The following RBMS1 variants were observed in gnomAD, a reference collection of about 807,000 sequenced individuals.
RBMS1 encodes RNA-binding motif, single-stranded-interacting protein 1.
RBMS1 carries 17 observed loss-of-function variants against 62.3 expected under a neutral mutation model. The observed-to-expected ratio is 0.27, with a 90% CI of 0.19 to 0.41. RBMS1 has a LOEUF of 0.41. Ranked by LOEUF, RBMS1 falls within the 10% of genes least tolerant of loss-of-function variation. RBMS1 has a pLI of 1.00. For missense variants in RBMS1, 334 were observed against 504.5 expected (o/e 0.66, Z 3.24); for synonymous variants, 172 against 170.0 (o/e 1.01, Z -0.09).
chr2:160,274,519 G>GTTTT lies in RBMS1; in HGVS notation c.*249_*252dup, dbSNP rs1559299128. On this transcript the variant is annotated 3_prime_UTR_variant, in exon 14 of 14. Transcript: ENST00000348849. The stretch of plus-strand genomic sequence containing the variant: ...CATTTGATAAAAATCTTTTGTTTTT[G>GTTTT]TTTTTTGTTTTTTTTTTTTTACTAA... 1 of 96,382 alleles carries GTTTT rather than the reference G, an allele frequency of 1.0e-5. No homozygotes were observed. The highest frequency in any genetic ancestry group is 4.0e-5 in the African/African-American group (1 of 25,266). The allele number at this position is 96,382 out of a possible 1,614,324, so 6.0% of individuals were successfully genotyped here.
chr2:160,448,972 T>C (rs1395815380), intron 1 of RBMS1, among the ~76,000 whole-genome samples: 1 of 151,052 alleles, frequency 6.6e-6, no homozygotes, highest in South Asian at 2.1e-4. Context: ...GAGGAGTGTC[T>C]CTGCCCGACC....
At chr2:160,460,676 G>A (rs1684422982) in intron 1 of RBMS1, among the ~76,000 whole-genome samples, 1 of 152,154 alleles carries the variant, frequency 6.6e-6, no homozygotes, top group Non-Finnish European at 1.5e-5. Context: ...TCTTTTTAAT[G>A]ATGCCCTTGA....
chr2:160,491,356 T>C (rs1685820469), intron 1 of RBMS1, among the ~76,000 whole-genome samples: 1 of 152,222 alleles, frequency 6.6e-6, no homozygotes, highest in African/African-American at 2.4e-5. Flanking sequence ...GCAAAATGTT[T>C]TGAGAATGTC....
intron 1 of RBMS1, among the ~76,000 whole-genome samples, chr2:160,433,397 G>A (rs1682981200): frequency 6.6e-6 from 1 of 152,200 alleles, no homozygotes; most frequent in Non-Finnish European, 1.5e-5. Context: ...CTGGCCCACA[G>A]TGTGAGACCT....
chr2:160,347,352 A>G (rs1353327476), intron 2 of RBMS1, among the ~76,000 whole-genome samples: 3 of 152,160 alleles, frequency 2.0e-5, no homozygotes, highest in Non-Finnish European at 4.4e-5. Context: ...AAAACACAAG[A>G]TTCTCAAACA....
At chr2:160,393,542 G>A (rs1043441802) in intron 1 of RBMS1, among the ~76,000 whole-genome samples, 18 of 152,128 alleles carry the variant, frequency 1.2e-4, no homozygotes, top group Non-Finnish European at 2.5e-4. Context: ...ACTTTGGGAG[G>A]CCGAGGCGGG....
chr2:160,367,431 A>G (rs1693468259), intron 1 of RBMS1, 40 bp from the exon 2 acceptor site: 1 of 1,608,630 alleles, frequency 6.2e-7, no homozygotes, highest in African/African-American at 1.3e-5. Context: ...TGCTAGCATT[A>G]GGAGGCTGAC....
At chr2:160,465,844 C>CCACA (rs34253924) in intron 1 of RBMS1, among the ~76,000 whole-genome samples, 196 of 109,980 alleles carry the variant, frequency 1.8e-3, no homozygotes, top group African/African-American at 5.3e-3. Flanking sequence ...CCTCCCCACA[C>CCACA]CACACACACA....
chr2:160,476,991 T>G (rs757817468), intron 1 of RBMS1, among the ~76,000 whole-genome samples: 1 of 152,260 alleles, frequency 6.6e-6, no homozygotes, highest in Non-Finnish European at 1.5e-5. Context: ...TTTTCTTTCC[T>G]GATATTTTGT....
chr2:160,332,644 T>C (rs147054186), intron 2 of RBMS1, among the ~76,000 whole-genome samples: 2 of 152,216 alleles, frequency 1.3e-5, no homozygotes, highest in Non-Finnish European at 2.9e-5. Flanking sequence ...CTTTGTATGC[T>C]TAAATGGTCA....
In RBMS1 at chr2:160,392,872, G is replaced by A. The variant is rs528850950; in HGVS notation, c.76-25481C>T. Among the ~76,000 whole-genome samples, 13 of 152,062 alleles carry A rather than the reference G, an allele frequency of 8.5e-5. No homozygotes were observed. In the East Asian group the frequency reaches 1.5e-3, roughly 18 times the overall value. On this transcript the variant is annotated intron_variant, in intron 1 of 13. Coordinates refer to ENST00000348849, the MANE Select transcript of RBMS1 (RefSeq NM_016836.4). ...GCACCACTGCACCACACTCCAGCCC[G>A]GGCAACAGAGCAAGACCCTGTCTCA... is the stretch of plus-strand genomic sequence containing the variant.
At chr2:160,410,249 TAAAAG>T (rs1026572733) in intron 1 of RBMS1, among the ~76,000 whole-genome samples, 1 of 118,638 alleles carries the variant, frequency 8.4e-6, no homozygotes, top group African/African-American at 3.0e-5. Context: ...AAAAAAAAAT[TAAAAG>T]ACTCTAAGAC....
At chr2:160,292,739 A>G (rs1688746067) in intron 6 of RBMS1, among the ~76,000 whole-genome samples, 1 of 152,174 alleles carries the variant, frequency 6.6e-6, no homozygotes. Flanking sequence ...TTGATTTGTG[A>G]GGCTGGCTGT....
At chr2:160,311,794 C>T (rs1339157909) in intron 4 of RBMS1, among the ~76,000 whole-genome samples, 3 of 152,104 alleles carry the variant, frequency 2.0e-5, no homozygotes, top group Non-Finnish European at 2.9e-5. Context: ...AAAATATTTT[C>T]TGTAGCAACT....
rs976633379 is a variant in RBMS1, at chr2:160,272,178, G to C, written c.*2594C>G. 3 of 152,052 alleles carry C rather than the reference G, an allele frequency of 2.0e-5. No homozygotes were observed. Among genetic ancestry groups the C allele is most frequent in the Non-Finnish European group, 4.4e-5 (3 of 68,012 alleles). The allele number at this position is 152,052 out of a possible 1,614,324, so 9.4% of individuals were successfully genotyped here. ...AAATTTCAGATGTTTTTTATTCAAA[G>C]GTTCTCAAAAGAAATAAAACAGAAA... On this transcript the variant is annotated 3_prime_UTR_variant, in exon 14 of 14. Transcript: ENST00000348849.
chr2:160,437,112 G>A (rs1683142257), intron 1 of RBMS1, among the ~76,000 whole-genome samples: 1 of 151,948 alleles, frequency 6.6e-6, no homozygotes, highest in Non-Finnish European at 1.5e-5. Flanking sequence ...CGATGTTAAA[G>A]GAAAAAAAGA....
At position 160,475,853 on chromosome 2, in the gene RBMS1, C is replaced by A. The variant is rs980368462; in HGVS notation, c.75+17436G>T. Among the ~76,000 whole-genome samples, 4 of 131,772 alleles carry A rather than the reference C, an allele frequency of 3.0e-5. No homozygotes were observed. In the East Asian group the frequency reaches 7.9e-4, roughly 26 times the overall value. The allele number at this position is 131,772 out of a possible 152,430, so 86.4% of individuals were successfully genotyped here. On this transcript the variant is annotated intron_variant, in intron 1 of 13. Transcript: ENST00000348849. ...AATTATACTAATAGAGTAGAATGGG[C>A]CCCCCATTTTTTTTTTTTTTTGAGA...
At chr2:160,349,136 G>A (rs1184924518) in intron 2 of RBMS1, among the ~76,000 whole-genome samples, 1 of 152,064 alleles carries the variant, frequency 6.6e-6, no homozygotes, top group African/African-American at 2.4e-5. Context: ...AAGATTCCGA[G>A]GCTCAGCCAG....
intron 4 of RBMS1, among the ~76,000 whole-genome samples, chr2:160,312,214 T>C (rs1453342994): frequency 2.0e-5 from 3 of 152,186 alleles, no homozygotes; most frequent in Non-Finnish European, 4.4e-5. Flanking sequence ...TAAGGCATCA[T>C]TACTTTTGGA....
Sources: allele counts gnomAD v4.1 joint callset (sites outside exome capture counted in the v4.1 genomes callset), GRCh38; gene constraint gnomAD v4.1.1; transcripts MANE v1.5; gene names NCBI Gene and HGNC (gene_info 2026-07-23, HGNC 2026-07-21).